DGKG: variants seen among roughly 807,000 people sequenced by gnomAD.
DGKG encodes the protein diacylglycerol kinase gamma, also known as DAG kinase gamma.
In DGKG, 78 loss-of-function variants were observed where a neutral mutation model predicts 105.3. The ratio of observed to expected loss-of-function variants is 0.74; its 90% CI spans 0.62 to 0.89. The LOEUF (loss-of-function observed/expected upper bound fraction) is 0.89, where lower values mean the gene tolerates loss of function less well. Ranked by LOEUF, DGKG falls within the 40% of genes least tolerant of loss-of-function variation. DGKG has a pLI of 0.00. For missense variants in DGKG, 958 were observed against 1,020.1 expected, an observed-to-expected ratio of 0.94 and a Z score of 0.83; for synonymous variants, 346 against 367.1, an observed-to-expected ratio of 0.94 and a Z score of 0.66.
intron 6 of DGKG, among the ~76,000 whole-genome samples, chr3:186,286,250 A>G (rs576266011): frequency 6.6e-6 from 1 of 152,304 alleles, no homozygotes; most frequent in East Asian, 1.9e-4. Flanking sequence ...GGTCCCAGTC[A>G]GAGGCATGCA....
In DGKG at chr3:186,284,711, T is replaced by C. The variant is rs1722983472; in HGVS notation, c.545-2A>G. 1.9e-6 allele frequency: 3 copies of C among 1,613,768 alleles called. No individual in the cohort carries two copies. Among genetic ancestry groups the C allele is most frequent in the Non-Finnish European group, 1.7e-6 (2 of 1,179,710 alleles). Reference sequence around the variant, plus strand: ...CTGAATCATAGAGGCGAAACATGACTGTAAGAAACACAGAGGTAAGCCTTG... The same window carrying C: ...CTGAATCATAGAGGCGAAACATGACCGTAAGAAACACAGAGGTAAGCCTTG... On this transcript the variant is annotated splice_acceptor_variant, in intron 6 of 24. Transcript: ENST00000265022. LOFTEE classifies it high-confidence loss of function. This position sits in a 1 kb window ranked among gnomAD's most constrained non-coding sequence, Gnocchi z 4.0.
At chr3:186,169,821 G>A (rs961080162) in intron 22 of DGKG, among the ~76,000 whole-genome samples, 1 of 152,202 alleles carries the variant, frequency 6.6e-6, no homozygotes, top group Non-Finnish European at 1.5e-5. Flanking sequence ...AGGAAGATAA[G>A]GGCATTGATG....
At chr3:186,296,786 G>C (rs897897177) in intron 5 of DGKG, among the ~76,000 whole-genome samples, 1 of 152,216 alleles carries the variant, frequency 6.6e-6, no homozygotes, top group Non-Finnish European at 1.5e-5. Context: ...TAAGGCCTCA[G>C]TTTCTCATGT....
chr3:186,312,703 T>C (rs994380408), intron 2 of DGKG, among the ~76,000 whole-genome samples: 5 of 152,340 alleles, frequency 3.3e-5, no homozygotes, highest in African/African-American at 1.2e-4. Flanking sequence ...ATTTTCTAAT[T>C]ACTCTAGGAA....
Position 186,306,926 on chromosome 3 carries a change from C to A in DGKG, c.119G>T (p.Ser40Ile), listed in dbSNP as rs757408024. 5.5e-5 allele frequency: 88 copies of A among 1,612,146 alleles called. No individual in the cohort carries two copies. Among genetic ancestry groups the A allele is most frequent in the Non-Finnish European group, 7.5e-5 (88 of 1,178,336 alleles). The part of the protein sequence containing the change: ...DALTEFNEGG[S>I]LKQYDPHEPI... ...CTCATGTGGGTCATATTGTTTGAGGCTCCCACCCTCATTAAATTCAGTCAA... is the reference window on the plus strand; with the variant it reads ...CTCATGTGGGTCATATTGTTTGAGGATCCCACCCTCATTAAATTCAGTCAA... The change falls in exon 3 of 25, where the codon AGC (serine) becomes ATC (isoleucine). Residue 40 changes from serine (S) to isoleucine (I), a missense_variant. By Grantham distance (142) the Ser-to-Ile change is moderately radical. Transcript: ENST00000265022.
rs370584420 is a variant in DGKG at position 186,297,419 on chromosome 3, A to G, written c.373+2T>C. The G allele has an allele frequency of 7.5e-6, 12 of 1,608,832 alleles. No homozygotes were observed. Among genetic ancestry groups the G allele is most frequent in the Middle Eastern group, 1.6e-4 (1 of 6,068 alleles). On this transcript the variant is annotated splice_donor_variant, in intron 5 of 24. Transcript: ENST00000265022. LOFTEE classifies it high-confidence loss of function. ...CACAAGTCTTATATTCCAAAGACTT[A>G]CCAGTATCAGGGGCACAGGCCTCGT...
chr3:186,354,525 G>A (rs79383952), intron 1 of DGKG, among the ~76,000 whole-genome samples: 3,651 of 152,244 alleles, frequency 0.024, 138 homozygotes, highest in African/African-American at 0.082. Context: ...GCAAGTCTGG[G>A]TTTTGTCAGC....
At chr3:186,312,252 T>C (rs1435136787) in intron 2 of DGKG, among the ~76,000 whole-genome samples, 1 of 148,832 alleles carries the variant, frequency 6.7e-6, no homozygotes, top group African/African-American at 2.5e-5. Flanking sequence ...AAAATCCATA[T>C]ATGAGAGTGG....
chr3:186,297,511 C>A lies in DGKG; in HGVS notation c.311-28G>T, dbSNP rs755551748. The stretch of plus-strand genomic sequence containing the variant: ...GAGGAAAAAAAAGAAGATTTAAAGA[C>A]CAACCCAGGCCCTCTAGCTTCTTGG... On this transcript the variant is annotated intron_variant, in intron 4 of 24. Transcript: ENST00000265022. 4 of 1,535,270 alleles carry A rather than the reference C, an allele frequency of 2.6e-6. No homozygotes were observed. The Admixed American group carries it at 6.7e-5, about 26-fold the overall frequency.
rs552447801 is a variant in DGKG at position 186,187,088 on chromosome 3, C to T, written c.2095+1114G>A. ...GGAGGTAATGAGAGGCCAAAACATACGGGGCCCTCTAGGCCACGTGATCTT... is the reference window on the plus strand; with the variant it reads ...GGAGGTAATGAGAGGCCAAAACATATGGGGCCCTCTAGGCCACGTGATCTT... On this transcript the variant is annotated intron_variant, in intron 22 of 24. Coordinates refer to ENST00000265022, the MANE Select transcript of DGKG (RefSeq NM_001346.3). Among the ~76,000 whole-genome samples the T allele has an allele frequency of 4.6e-5, 7 of 152,294 alleles. No individual in the cohort carries two copies. In the South Asian group the frequency reaches 6.2e-4, roughly 14 times the overall value.
At chr3:186,238,487 T>C (rs1720524284) in intron 20 of DGKG, among the ~76,000 whole-genome samples, 1 of 152,174 alleles carries the variant, frequency 6.6e-6, no homozygotes, top group Non-Finnish European at 1.5e-5. Context: ...GCACTATTTT[T>C]CCTTTTCTTT....
intron 4 of DGKG, among the ~76,000 whole-genome samples, 180 bp downstream of exon 4, chr3:186,297,884 G>C (rs1229704068): frequency 2.0e-5 from 3 of 152,198 alleles, no homozygotes; most frequent in African/African-American, 7.2e-5. Flanking sequence ...CTCTTGCTGA[G>C]AGGTTCATCA....
chr3:186,267,872 G>T, intron 12 of DGKG, 95 bp from the exon 13 acceptor site: 1 of 1,112,674 alleles, frequency 9.0e-7, no homozygotes. Flanking sequence ...GAGCTGTCTA[G>T]TGCTCCCCCA....
At position 186,288,811 on chromosome 3, in the gene DGKG, A is replaced by G. The variant is rs1723185923; in HGVS notation, c.443T>C (p.Val148Ala). Reference sequence around the variant, plus strand: ...GGATTCCGAGCTTGAAGACCGAGGGACGGGGGGTTCCAGGGGGGTCGCAGC... The same window carrying G: ...GGATTCCGAGCTTGAAGACCGAGGGGCGGGGGGTTCCAGGGGGGTCGCAGC... ...QVAATPLEPP[V>A]PRSSSSESPV... Residue 148 changes from valine (V) to alanine (A), a missense_variant, in exon 6 of 25, where the codon GTC becomes GCC. Physicochemically the swap from Val to Ala is moderately conservative, Grantham distance 64. Transcript: ENST00000265022. The G allele has an allele frequency of 3.1e-6, 5 of 1,612,944 alleles. No individual in the cohort carries two copies. Among genetic ancestry groups the G allele is most frequent in the Non-Finnish European group, 4.2e-6 (5 of 1,179,384 alleles).
chr3:186,225,239 TTAC>T (rs1165513992), intron 20 of DGKG, among the ~76,000 whole-genome samples: 8 of 151,936 alleles, frequency 5.3e-5, no homozygotes, highest in African/African-American at 1.9e-4. Context: ...AGTGTAGGGA[TTAC>T]AGGCATGAGC....
At chr3:186,253,797 T>C (rs1253214283) in intron 17 of DGKG, among the ~76,000 whole-genome samples, 1 of 152,180 alleles carries the variant, frequency 6.6e-6, no homozygotes, top group African/African-American at 2.4e-5. Context: ...GTATACAGAT[T>C]AGTAAAACAG....
intron 11 of DGKG, among the ~76,000 whole-genome samples, chr3:186,270,182 G>A (rs752529055): frequency 6.6e-6 from 1 of 152,184 alleles, no homozygotes; most frequent in East Asian, 1.9e-4. Flanking sequence ...CTGGAGTGCA[G>A]TGGCATGATC....
chr3:186,209,093 C>CTTTTTTTTTGTTTTTTTTTTTTTTTTT (rs1718896102), intron 21 of DGKG, among the ~76,000 whole-genome samples: 1 of 89,838 alleles, frequency 1.1e-5, no homozygotes, highest in African/African-American at 4.8e-5. Context: ...GTTTACTCTT[C>CTTTTTTTTTGTTTTTTTTTTTTTTTTT]TTTTTTTTTT....
chr3:186,251,732 C>T (rs1721237956), intron 19 of DGKG, 27 bp downstream of exon 19: 1 of 1,613,710 alleles, frequency 6.2e-7, no homozygotes, highest in Non-Finnish European at 8.5e-7. Context: ...CCCTTCCATA[C>T]AGAAAGGTGA....
Sources: allele counts gnomAD v4.1 joint callset (sites outside exome capture counted in the v4.1 genomes callset), GRCh38; gene constraint gnomAD v4.1.1; non-coding constraint Gnocchi (gnomAD v3.1); transcripts MANE v1.5; gene names NCBI Gene and HGNC (gene_info 2026-07-23, HGNC 2026-07-21).